Variants in SLC35F1 observed in about 807,000 individuals in gnomAD.
SLC35F1 encodes chromosome 6 open reading frame 169.
A neutral mutation model predicts 48.7 loss-of-function variants in SLC35F1; 14 were observed. That is an observed-to-expected ratio of 0.29 (90% CI 0.19 to 0.45). SLC35F1 has a LOEUF of 0.45. Among genes scored for constraint, SLC35F1 ranks in the 20% least tolerant of loss-of-function variants. SLC35F1 has a pLI of 1.00. For missense variants in SLC35F1, 404 were observed against 500.0 expected (o/e 0.81, Z 1.83); for synonymous variants, 190 against 202.2 (o/e 0.94, Z 0.51).
At chr6:118,291,115 A>G (rs1776116235) in intron 7 of SLC35F1, among the ~76,000 whole-genome samples, 1 of 152,046 alleles carries the variant, frequency 6.6e-6, no homozygotes, top group African/African-American at 2.4e-5. Flanking sequence ...TTTAAATAAC[A>G]TTTATTGAAG....
At chr6:117,923,752 T>TATGTACATATATAC (rs1554216757) in intron 1 of SLC35F1, among the ~76,000 whole-genome samples, 8 of 57,014 alleles carry the variant, frequency 1.4e-4, no homozygotes, top group East Asian at 4.9e-4. Flanking sequence ...TATATGTACA[T>TATGTACATATATAC]ATATACATAT....
At chr6:118,157,736 G>A (rs971403272) in intron 2 of SLC35F1, among the ~76,000 whole-genome samples, 2 of 152,132 alleles carry the variant, frequency 1.3e-5, no homozygotes, top group African/African-American at 2.4e-5. Context: ...GTCCTTCCAC[G>A]TTACTCTGCC....
intron 1 of SLC35F1, among the ~76,000 whole-genome samples, chr6:117,976,184 C>T (rs1776703529): frequency 1.3e-5 from 2 of 152,284 alleles, no homozygotes; most frequent in Middle Eastern, 3.4e-3. Context: ...TAACTGAAGT[C>T]CCTTTCAGCT....
rs572466618 is a variant in SLC35F1 at position 118,091,341 on chromosome 6, G to A, written c.174-63104G>A. 8.1e-4 allele frequency among the ~76,000 whole-genome samples: 123 copies of A among 152,264 alleles called. 1 individual carries two copies. Among genetic ancestry groups the A allele is most frequent in the African/African-American group, 2.9e-3 (119 of 41,556 alleles). ...TGTGTGTTGTGGGAGGGACCCAGTTGGAGGTAACTGAATCATGAATCATGG... is the reference window on the plus strand; with the variant it reads ...TGTGTGTTGTGGGAGGGACCCAGTTAGAGGTAACTGAATCATGAATCATGG... On this transcript the variant is annotated intron_variant, in intron 1 of 7. Transcript: ENST00000360388.
At chr6:118,225,699 C>T (rs1052820560) in intron 2 of SLC35F1, among the ~76,000 whole-genome samples, 2 of 124,928 alleles carry the variant, frequency 1.6e-5, no homozygotes, top group African/African-American at 6.2e-5. Flanking sequence ...CGGTGAAACC[C>T]CGTCTCTACT....
intron 7 of SLC35F1, among the ~76,000 whole-genome samples, chr6:118,302,212 C>A (rs1172916933): frequency 1.3e-5 from 2 of 151,740 alleles, no homozygotes; most frequent in African/African-American, 4.8e-5. Context: ...TGAGTGGGTA[C>A]CAATGCAAAC....
rs534651704 is a variant in SLC35F1, at chr6:118,258,250, T to A, written c.478-8745T>A. 4.3e-4 allele frequency among the ~76,000 whole-genome samples: 66 copies of A among 152,266 alleles called. 1 individual carries two copies. The highest frequency in any genetic ancestry group is 1.5e-3 in the African/African-American group (64 of 41,568). On this transcript the variant is annotated intron_variant, in intron 3 of 7. Coordinates refer to ENST00000360388, the MANE Select transcript of SLC35F1 (RefSeq NM_001029858.4). ...CTAACAGTAGGCTAAAGTCTAACAT[T>A]TAAGTGCTATGTGACTATCTAATTT...
intron 2 of SLC35F1, among the ~76,000 whole-genome samples, chr6:118,196,275 A>G (rs1774799674): frequency 1.3e-5 from 2 of 152,200 alleles, no homozygotes; most frequent in South Asian, 2.1e-4. Flanking sequence ...TAGGCTTTCA[A>G]TCTTGTCTAC....
At chr6:117,994,064 C>T (rs1356929323) in intron 1 of SLC35F1, among the ~76,000 whole-genome samples, 1 of 152,114 alleles carries the variant, frequency 6.6e-6, no homozygotes, top group Non-Finnish European at 1.5e-5. Flanking sequence ...GGAGAATCCA[C>T]TTCTAAGCTT....
At chr6:118,312,651 A>C (rs1776384299) in intron 7 of SLC35F1, among the ~76,000 whole-genome samples, 1 of 152,186 alleles carries the variant, frequency 6.6e-6, no homozygotes, top group Admixed American at 6.5e-5. Flanking sequence ...TAGCTCCCTC[A>C]CTACTGCAAA....
rs772511241 is a variant in SLC35F1, at chr6:117,907,861, G to A, written c.135G>A (p.Arg45=). The part of the protein sequence containing the change: ...GGGGSLSASS[R]AGVRQRIRKV... ...GCGGGAGCCTGTCCGCCTCCTCCCG[G>A]GCTGGCGTGCGCCAGAGGATCCGCA... Residue 45 remains arginine, a synonymous_variant, in exon 1 of 8, where the codon CGG becomes CGA. Coordinates refer to ENST00000360388, the MANE Select transcript of SLC35F1 (RefSeq NM_001029858.4). 1.3e-6 allele frequency: 2 copies of A among 1,524,884 alleles called. No homozygotes were observed. The highest frequency in any genetic ancestry group is 1.7e-6 in the Non-Finnish European group (2 of 1,146,432). 94.5% of individuals were successfully genotyped at this position (1,524,884 alleles called of 1,614,324 possible). A position where few individuals can be genotyped will look rare whatever the true frequency, so the allele number is the denominator to read the frequency against.
chr6:118,129,380 G>A (rs1287183758), intron 1 of SLC35F1, among the ~76,000 whole-genome samples: 2 of 152,230 alleles, frequency 1.3e-5, no homozygotes, highest in African/African-American at 4.8e-5. Flanking sequence ...AAGAGCCAGA[G>A]TGGCTGGAGA....
At chr6:118,182,564 A>AAGGAAGGAAGGAAGGAAGGAAGG (rs1562317879) in intron 2 of SLC35F1, among the ~76,000 whole-genome samples, 3 of 60,590 alleles carry the variant, frequency 5.0e-5, no homozygotes, top group East Asian at 8.2e-4. Context: ...AGGAAGGAAG[A>AAGGAAGGAAGGAAGGAAGGAAGG]AAAAAAGAAA....
chr6:118,082,685 T>C (rs1772929259), intron 1 of SLC35F1, among the ~76,000 whole-genome samples: 2 of 152,194 alleles, frequency 1.3e-5, no homozygotes, highest in African/African-American at 4.8e-5. Context: ...TCTCCTTGTC[T>C]TTCAGCTGTT....
chr6:118,255,609 C>T (rs577985824), intron 3 of SLC35F1, among the ~76,000 whole-genome samples: 1 of 152,218 alleles, frequency 6.6e-6, no homozygotes, highest in Admixed American at 6.5e-5. Flanking sequence ...TTTCTTTTCT[C>T]CTTTGAGAGC....
chr6:118,092,797 T>C (rs1773094116), intron 1 of SLC35F1, among the ~76,000 whole-genome samples: 1 of 152,204 alleles, frequency 6.6e-6, no homozygotes, highest in African/African-American at 2.4e-5. Flanking sequence ...ATAGGGCCTG[T>C]AGCCCCTTTG....
rs199893127 is a variant in SLC35F1, at chr6:118,257,353, CCTTGCTGGAA to C, written c.478-9641_478-9632del. Among the ~76,000 whole-genome samples, 702 of 152,252 alleles carry C rather than the reference CCTTGCTGGAA, an allele frequency of 4.6e-3. 5 individuals are homozygous for C. Among genetic ancestry groups the C allele is most frequent in the East Asian group, 0.02 (104 of 5,180 alleles). On this transcript the variant is annotated intron_variant, in intron 3 of 7. Transcript: ENST00000360388. ...GCTTCATTTCTGCCTGCTCTATGTCCCTTGCTGGAAAGACCCCTGAAATACAGAGTCCAAG... is the reference window on the plus strand; with the variant it reads ...GCTTCATTTCTGCCTGCTCTATGTCCAGACCCCTGAAATACAGAGTCCAAG...
At chr6:118,012,586 C>T (rs1356601774) in intron 1 of SLC35F1, among the ~76,000 whole-genome samples, 1 of 152,144 alleles carries the variant, frequency 6.6e-6, no homozygotes, top group African/African-American at 2.4e-5. Context: ...TAAGTGTCTC[C>T]TGGCAAATCA....
intron 1 of SLC35F1, among the ~76,000 whole-genome samples, chr6:118,105,870 G>A (rs747057102): frequency 6.6e-6 from 1 of 152,134 alleles, no homozygotes; most frequent in Non-Finnish European, 1.5e-5. Context: ...ATACATCAAA[G>A]TAGATAGTAT....
Sources: allele counts gnomAD v4.1 joint callset (sites outside exome capture counted in the v4.1 genomes callset), GRCh38; gene constraint gnomAD v4.1.1; transcripts MANE v1.5; gene names NCBI Gene and HGNC (gene_info 2026-07-23, HGNC 2026-07-21).